The following PPP1R9B variants were observed in gnomAD, a reference collection of about 807,000 sequenced individuals.
The protein encoded by PPP1R9B is neurabin-2.
PPP1R9B carries 17 observed loss-of-function variants against 75.8 expected under a neutral mutation model. The ratio of observed to expected loss-of-function variants is 0.22; its 90% confidence interval spans 0.15 to 0.34. The LOEUF (loss-of-function observed/expected upper bound fraction) is 0.34, where lower values mean the gene tolerates loss of function less well. Ranked by LOEUF, PPP1R9B falls within the 10% of genes least tolerant of loss-of-function variation. PPP1R9B has a pLI of 1.00. For missense variants in PPP1R9B, 875 were observed against 1,196.0 expected, an observed-to-expected ratio of 0.73 and a Z score of 3.96; for synonymous variants, 509 against 535.4, an observed-to-expected ratio of 0.95 and a Z score of 0.68.
Position 50,149,534 on chromosome 17 carries a change from G to C in PPP1R9B, c.980C>G (p.Ala327Gly), listed in dbSNP as rs1912622995. ...EVIQAEVTVH[A>G]ALENGSTVAT... Reference sequence around the variant, plus strand: ...CACGGTGCTGCCATTCTCCAGGGCCGCGTGGACCGTAACCTCGGCCTGGAT... The same window carrying C: ...CACGGTGCTGCCATTCTCCAGGGCCCCGTGGACCGTAACCTCGGCCTGGAT... The change falls in exon 1 of 10, where the codon GCG becomes GGG. Residue 327 changes from alanine to glycine, a missense_variant. Physicochemically the swap from Ala to Gly is moderately conservative, Grantham distance 60. Transcript: ENST00000612501. This position sits in a 1 kb window ranked among gnomAD's most constrained non-coding sequence, Gnocchi z 7.2. The C allele has an allele frequency of 3.1e-6, 5 of 1,591,518 alleles. No individual in the cohort carries two copies. The Admixed American group carries it at 6.9e-5, about 22-fold the overall frequency.
chr17:50,139,701 C>T lies in PPP1R9B; in HGVS notation c.1867-120G>A, dbSNP rs1053412864. 1.7e-6 allele frequency: 2 copies of T among 1,157,344 alleles called. No individual in the cohort carries two copies. Among genetic ancestry groups the T allele is most frequent in the Non-Finnish European group, 2.4e-6 (2 of 826,482 alleles). The allele number at this position is 1,157,344 out of a possible 1,614,324, so 71.7% of individuals were successfully genotyped here. On this transcript the variant is annotated intron_variant, in intron 5 of 9. Coordinates refer to ENST00000612501, the MANE Select transcript of PPP1R9B (RefSeq NM_032595.5). The surrounding 1 kb of genome is among the most constrained non-coding windows in gnomAD (Gnocchi z 5.0). ...GAGCTACCCAGGAATGTGGTTCATG[C>T]CTCCCACTTCAGCCTGAGGCTGGAC... is the stretch of plus-strand genomic sequence containing the variant.
chr17:50,141,386 C>G lies in PPP1R9B; in HGVS notation c.1626-13G>C. ...ATTCACCTGGATCCTAGCGGAGTGA[C>G]ATTGGTTAAGGGGTCACAGGGGAAC... is the stretch of plus-strand genomic sequence containing the variant. On this transcript the variant is annotated splice_polypyrimidine_tract_variant and intron_variant, in intron 3 of 9. Transcript: ENST00000612501. 1 of 1,556,144 alleles carries G rather than the reference C, an allele frequency of 6.4e-7. No homozygotes were observed. The highest frequency in any genetic ancestry group is 8.7e-7 in the Non-Finnish European group (1 of 1,148,224).
rs1912142762 is a variant in PPP1R9B at position 50,134,083 on chromosome 17, A to T, written c.*1248T>A. On this transcript the variant is annotated 3_prime_UTR_variant, in exon 10 of 10. Coordinates refer to ENST00000612501, the MANE Select transcript of PPP1R9B (RefSeq NM_032595.5). ...CGGATGGGATGGGTGGTCTGTTTTT[A>T]AAAAATGAACAAAAACCCAGTTAGG... The T allele has an allele frequency of 6.5e-6, 1 of 152,690 alleles. No homozygotes were observed. The highest frequency in any genetic ancestry group is 1.5e-5 in the Non-Finnish European group (1 of 68,062). 9.5% of individuals were successfully genotyped at this position (152,690 alleles called of 1,614,324 possible).
At position 50,141,362 on chromosome 17, in the gene PPP1R9B, T is replaced by C. The variant is rs1179649550; in HGVS notation, c.1637A>G (p.Asn546Ser). Residue 546 changes from asparagine (N) to serine (S), a missense_variant, in exon 4 of 10, where the codon AAT (asparagine) becomes AGT (serine). Physicochemically the swap from Asn to Ser is conservative, Grantham distance 46. Transcript: ENST00000612501. ...AAHRDGRIQV[N>S]DLLVEVDGTS... is the part of the protein sequence containing the mutation. ...TCCATCCACCTCCACCAGGAGATCA[T>C]TCACCTGGATCCTAGCGGAGTGACA... The C allele has an allele frequency of 6.3e-7, 1 of 1,582,182 alleles. No homozygotes were observed. Among genetic ancestry groups the C allele is most frequent in the African/African-American group, 1.4e-5 (1 of 73,830 alleles).
chr17:50,135,793 TG>T, intron 8 of PPP1R9B, 144 bp from the exon 9 acceptor site: 1 of 891,876 alleles, frequency 1.1e-6, no homozygotes, highest in Non-Finnish European at 1.7e-6. Flanking sequence ...CCAAAGCCTC[TG>T]GGGGTCTGGC....
chr17:50,144,620 G>A (rs1474904808), intron 2 of PPP1R9B, among the ~76,000 whole-genome samples: 1 of 152,174 alleles, frequency 6.6e-6, no homozygotes, highest in Non-Finnish European at 1.5e-5. Context: ...CCTCACCAGA[G>A]TGCAACTCAA....
Position 50,134,848 on chromosome 17 carries a change from C to T in PPP1R9B, c.*483G>A. The T allele has an allele frequency of 5.8e-6, 1 of 172,932 alleles. No homozygotes were observed. The highest frequency in any genetic ancestry group is 1.2e-5 in the Non-Finnish European group (1 of 80,100). The allele number at this position is 172,932 out of a possible 1,614,324, so 10.7% of individuals were successfully genotyped here. A position where few individuals can be genotyped will look rare whatever the true frequency, so the allele number is the denominator to read the frequency against. ...GAGGGTCAGAATGCAACAGAGACGG[C>T]ACAATGATGGGGGGAGAGGGAAGGG... On this transcript the variant is annotated 3_prime_UTR_variant, in exon 10 of 10. Transcript: ENST00000612501.
At chr17:50,140,275 A>T in intron 4 of PPP1R9B, 47 bp from the exon 5 acceptor site, 1 of 1,556,142 alleles carries the variant, frequency 6.4e-7, no homozygotes, top group African/African-American at 1.4e-5. Flanking sequence ...TCAGCCAGGT[A>T]ATGCATCATC....
chr17:50,149,498 G>T lies in PPP1R9B; in HGVS notation c.1016C>A (p.Ala339Asp). The T allele has an allele frequency of 6.3e-7, 1 of 1,596,866 alleles. No individual in the cohort carries two copies. The change falls in exon 1 of 10, where the codon GCC becomes GAC. Residue 339 changes from alanine (A) to aspartate (D), a missense_variant. Around this residue, in one of 4 missense-constraint regions of PPP1R9B, gnomAD observed 449 missense variants for 475.0 expected, o/e 0.95. Coordinates refer to ENST00000612501, the MANE Select transcript of PPP1R9B (RefSeq NM_032595.5). The surrounding 1 kb of genome is among the most constrained non-coding windows in gnomAD (Gnocchi z 7.2). ...LENGSTVATA[A>D]SPAPEEPKAQ... ...CTTTGGCTCCTCGGGCGCGGGGCTG[G>T]CTGCAGTTGCCACGGTGCTGCCATT...
Position 50,150,232 on chromosome 17 carries a change from C to A in PPP1R9B, c.282G>T (p.Ser94=). The A allele has an allele frequency of 6.9e-7, 1 of 1,441,932 alleles. No homozygotes were observed. 89.3% of individuals were successfully genotyped at this position (1,441,932 alleles called of 1,614,324 possible). Residue 94 remains serine (S), a synonymous_variant, in exon 1 of 10, where the codon TCG becomes TCT. Coordinates refer to ENST00000612501, the MANE Select transcript of PPP1R9B (RefSeq NM_032595.5). The surrounding 1 kb of genome is among the most constrained non-coding windows in gnomAD (Gnocchi z 8.7). ...PRASERGVRL[S]LPRASSLNEN... ...CGTTCAGGCTGCTGGCCCGCGGCAG[C>A]GACAGGCGCACGCCGCGCTCGGACG... is the stretch of plus-strand genomic sequence containing the variant.
Position 50,149,973 on chromosome 17 carries a change from G to A in PPP1R9B, c.541C>T (p.Arg181Trp). 1 of 1,512,232 alleles carries A rather than the reference G, an allele frequency of 6.6e-7. No homozygotes were observed. Among genetic ancestry groups the A allele is most frequent in the Non-Finnish European group, 8.8e-7 (1 of 1,139,110 alleles). 93.7% of individuals were successfully genotyped at this position (1,512,232 alleles called of 1,614,324 possible). The change falls in exon 1 of 10, where the codon CGG becomes TGG. Residue 181 changes from arginine (R) to tryptophan (W), a missense_variant. Arg to Trp is a moderately radical substitution (Grantham distance 101). This residue lies in a region of PPP1R9B where 449 missense variants were observed against 475.0 expected (regional missense o/e 0.95). Coordinates refer to ENST00000612501, the MANE Select transcript of PPP1R9B (RefSeq NM_032595.5). This position sits in a 1 kb window ranked among gnomAD's most constrained non-coding sequence, Gnocchi z 7.2. Reference sequence around the variant, plus strand: ...AAGCGCACCACGACGTCCAGCTTCCGGTCCTGCAGGCCGGCGCGCTCCTGC... The same window carrying A: ...AAGCGCACCACGACGTCCAGCTTCCAGTCCTGCAGGCCGGCGCGCTCCTGC... ...LRQERAGLQDRKLDVVVRFNG... is the reference protein window; with the variant it reads ...LRQERAGLQDWKLDVVVRFNG...
intron 1 of PPP1R9B, chr17:50,146,092 C>A (rs556471766): frequency 8.5e-5 from 13 of 152,604 alleles, no homozygotes; most frequent in African/African-American, 3.1e-4. Context: ...CGCCATGGGG[C>A]TCCGAGGCCA....
intron 1 of PPP1R9B, among the ~76,000 whole-genome samples, chr17:50,148,325 G>C (rs997210585): frequency 3.9e-5 from 6 of 152,246 alleles, no homozygotes; most frequent in African/African-American, 7.2e-5. Flanking sequence ...GCCTGCCAAG[G>C]CCATGGGAGT....
chr17:50,136,735 T>C (rs780685199), intron 7 of PPP1R9B, among the ~76,000 whole-genome samples: 6 of 152,060 alleles, frequency 3.9e-5, no homozygotes, highest in Non-Finnish European at 4.4e-5. Context: ...CACAGCTCAG[T>C]TCCGGATCCT....
In PPP1R9B at chr17:50,145,093, G is replaced by T; in HGVS notation, c.1504+20C>A. 6.2e-7 allele frequency: 1 copy of T among 1,612,822 alleles called. No individual in the cohort carries two copies. The highest frequency in any genetic ancestry group is 8.5e-7 in the Non-Finnish European group (1 of 1,179,638). On this transcript the variant is annotated intron_variant, in intron 2 of 9. Coordinates refer to ENST00000612501, the MANE Select transcript of PPP1R9B (RefSeq NM_032595.5). ...TCAACCCCAGCTGTGCGCAAGTGAC[G>T]TGGCCTCCTGGCCTCTCACCCTTCT...
chr17:50,138,313 G>T (rs995564587), intron 7 of PPP1R9B, among the ~76,000 whole-genome samples: 3 of 152,226 alleles, frequency 2.0e-5, no homozygotes, highest in Non-Finnish European at 4.4e-5. Context: ...GGCCATGCCT[G>T]TGTGTTTCAG....
intron 1 of PPP1R9B, among the ~76,000 whole-genome samples, chr17:50,147,824 C>CA (rs1468098702): frequency 1.3e-5 from 2 of 152,096 alleles, no homozygotes; most frequent in Non-Finnish European, 2.9e-5. Flanking sequence ...TTTAACCTTT[C>CA]AGGCCTCTTG....
In PPP1R9B at chr17:50,141,349, C is replaced by T. The variant is rs1278014868; in HGVS notation, c.1650G>A (p.Val550=). Residue 550 remains valine (V), a synonymous_variant, in exon 4 of 10, where the codon GTG becomes GTA. Transcript: ENST00000612501. ...CCACCAGACTTGTTCCATCCACCTC[C>T]ACCAGGAGATCATTCACCTGGATCC... ...DGRIQVNDLL[V]EVDGTSLVGV... 24 of 1,589,568 alleles carry T rather than the reference C, an allele frequency of 1.5e-5. No homozygotes were observed. The highest frequency in any genetic ancestry group is 2.1e-5 in the Non-Finnish European group (24 of 1,168,556).
In PPP1R9B at chr17:50,150,182, A is replaced by G; in HGVS notation, c.332T>C (p.Leu111Pro). Residue 111 changes from leucine (L) to proline (P), a missense_variant, in exon 1 of 10, where the codon CTG becomes CCG. Transcript: ENST00000612501. This position sits in a 1 kb window ranked among gnomAD's most constrained non-coding sequence, Gnocchi z 8.7. ...CTCCGACACGCTGGTGCCCAGCTTC[A>G]GCAGGGCGCTGTGGTCCACGTTCTC... ...LNENVDHSAL[L>P]KLGTSVSERV... 1 of 1,457,272 alleles carries G rather than the reference A, an allele frequency of 6.9e-7. No homozygotes were observed. Among genetic ancestry groups the G allele is most frequent in the Non-Finnish European group, 9.0e-7 (1 of 1,106,026 alleles). The allele number at this position is 1,457,272 out of a possible 1,614,324, so 90.3% of individuals were successfully genotyped here. A position where few individuals can be genotyped will look rare whatever the true frequency, so the allele number is the denominator to read the frequency against.
Sources: gnomAD v4.1 joint callset for allele counts (sites outside exome capture counted in the v4.1 genomes callset) on GRCh38, gnomAD v4.1.1 for gene constraint, gnomAD v4.1.1 regional missense constraint, Gnocchi (gnomAD v3.1) non-coding constraint, MANE v1.5 for transcripts, NCBI Gene and HGNC (gene_info 2026-07-23, HGNC 2026-07-21) for gene names.